The following PCDH11Y variants were observed in gnomAD, a reference collection of about 807,000 sequenced individuals.
PCDH11Y encodes protocadherin-11 Y-linked.
For missense variants in PCDH11Y, 12 were observed against 224.8 expected (o/e 0.05, Z 6.05); for synonymous variants, 9 against 83.6 (o/e 0.11, Z 4.87).
intron 2 of PCDH11Y, among the ~76,000 whole-genome samples, chrY:5,498,495 G>A: frequency 2.9e-5 from 1 of 34,557 alleles, no homozygotes; most frequent in African/African-American, 1.1e-4. Context: ...ATACAGTATT[G>A]ATGATTATTT....
chrY:5,253,521 GACCCA>G lies in PCDH11Y; in HGVS notation c.3129+152815_3129+152819del, dbSNP rs2053006397. 3.5e-4 allele frequency among the ~76,000 whole-genome samples: 11 copies of G among 31,073 alleles called. No individual in the cohort carries two copies. In the South Asian group the frequency reaches 8.6e-3, roughly 24 times the overall value. The allele number at this position is 31,073 out of a possible 37,273, so 83.4% of individuals were successfully genotyped here. On this transcript the variant is annotated intron_variant, in intron 2 of 4. Transcript: ENST00000400457. The stretch of plus-strand genomic sequence containing the variant: ...TGCCAGGTTGGAAGGAAGAATCAAT[GACCCA>G]TCATGAGCAATGTACACACACTCTT...
At chrY:5,719,249 G>C in intron 4 of PCDH11Y, among the ~76,000 whole-genome samples, 1 of 33,788 alleles carries the variant, frequency 3.0e-5, no homozygotes, top group Non-Finnish European at 7.4e-5. Context: ...ATTCAAAGCT[G>C]GCTGGAGAAA....
intron 3 of PCDH11Y, among the ~76,000 whole-genome samples, chrY:5,577,682 C>T: frequency 6.1e-5 from 2 of 32,601 alleles, no homozygotes; most frequent in South Asian, 7.1e-4. Context: ...ATAAGATGCT[C>T]ATTATGTTAA....
At chrY:5,482,284 A>G (rs2053328067) in intron 2 of PCDH11Y, among the ~76,000 whole-genome samples, 1 of 33,525 alleles carries the variant, frequency 3.0e-5, no homozygotes, top group Non-Finnish European at 7.4e-5. Context: ...GGCGTGAGCC[A>G]CTGCACCTAG....
At chrY:5,522,019 G>T in intron 3 of PCDH11Y, among the ~76,000 whole-genome samples, 2 of 31,675 alleles carry the variant, frequency 6.3e-5, no homozygotes. Context: ...GACTACAGGT[G>T]CCTGCCACCA....
chrY:5,107,487 A>C, downstream of PCDH11Y, among the ~76,000 whole-genome samples: 1 of 32,697 alleles, frequency 3.1e-5, no homozygotes, highest in Non-Finnish European at 7.5e-5. Context: ...TATTATCTCT[A>C]TTTGAGAACA....
At chrY:5,715,897 C>A in intron 4 of PCDH11Y, among the ~76,000 whole-genome samples, 2 of 31,014 alleles carry the variant, frequency 6.4e-5, no homozygotes, top group Non-Finnish European at 7.8e-5. Context: ...TTAAACAATA[C>A]ACTAAAAAGA....
In PCDH11Y at chrY:5,322,327, G is replaced by A. The variant is rs201409904; in HGVS notation, c.3130-178730G>A. 1.7e-3 allele frequency among the ~76,000 whole-genome samples: 56 copies of A among 32,138 alleles called. No homozygotes were observed. In the East Asian group the frequency reaches 0.046, roughly 26 times the overall value. 86.2% of individuals were successfully genotyped at this position (32,138 alleles called of 37,273 possible). A position where few individuals can be genotyped will look rare whatever the true frequency, so the allele number is the denominator to read the frequency against. ...TTAAGGGATTGGTTCTAGCACCCCC[G>A]TAATACCAAAATCCTTAGATGCTCA... On this transcript the variant is annotated intron_variant, in intron 2 of 4. Coordinates refer to the PCDH11Y transcript ENST00000400457.
chrY:5,412,674 A>G, intron 2 of PCDH11Y, among the ~76,000 whole-genome samples: 1 of 32,931 alleles, frequency 3.0e-5, no homozygotes, highest in Non-Finnish European at 7.5e-5. Flanking sequence ...CCCCTTCTGT[A>G]TCTTTTGAGA....
chrY:5,546,914 A>G, intron 3 of PCDH11Y, among the ~76,000 whole-genome samples: 1 of 33,037 alleles, frequency 3.0e-5, no homozygotes, highest in Admixed American at 2.8e-4. Flanking sequence ...TTTTACTTGA[A>G]CAGTAATGAT....
At chrY:5,614,549 T>G in intron 4 of PCDH11Y, among the ~76,000 whole-genome samples, 1 of 30,183 alleles carries the variant, frequency 3.3e-5, no homozygotes, top group Non-Finnish European at 7.8e-5. Flanking sequence ...TATGCTATTC[T>G]GTTTGAATGT....
upstream of PCDH11Y, chrY:5,056,033 G>A (rs1329659343): frequency 3.1e-5 from 1 of 32,105 alleles, no homozygotes; most frequent in African/African-American, 1.2e-4. Context: ...CCCATTGAAT[G>A]TTTGGACGTC....
intron 2 of PCDH11Y, among the ~76,000 whole-genome samples, chrY:5,395,038 G>C (rs2053225707): frequency 3.1e-5 from 1 of 32,685 alleles, no homozygotes; most frequent in African/African-American, 1.2e-4. Flanking sequence ...GTCTTGTGCG[G>C]TGTACAAACT....
chrY:5,288,552 C>T (rs2124661596), intron 2 of PCDH11Y, among the ~76,000 whole-genome samples: 1 of 30,220 alleles, frequency 3.3e-5, no homozygotes, highest in South Asian at 7.9e-4. Flanking sequence ...AGCCACAACA[C>T]TCTGATGGGT....
chrY:5,115,771 T>C (rs1602870303), intron 2 of PCDH11Y, among the ~76,000 whole-genome samples: 20 of 20,477 alleles, frequency 9.8e-4, no homozygotes, highest in South Asian at 7.7e-3. Flanking sequence ...GATGGAGTCT[T>C]GCTCTGTCGC....
chrY:5,292,165 T>C, intron 2 of PCDH11Y, among the ~76,000 whole-genome samples: 1 of 32,960 alleles, frequency 3.0e-5, no homozygotes, highest in African/African-American at 1.2e-4. Context: ...TTATTTAAGA[T>C]TTTTGCATCA....
chrY:5,199,176 A>T, intron 2 of PCDH11Y, among the ~76,000 whole-genome samples: 1 of 31,296 alleles, frequency 3.2e-5, no homozygotes. Context: ...GGCAAGGGAG[A>T]TATTTGGAAA....
intron 2 of PCDH11Y, among the ~76,000 whole-genome samples, chrY:5,269,007 C>T: frequency 3.6e-5 from 1 of 28,153 alleles, no homozygotes; most frequent in Middle Eastern, 0.016. Flanking sequence ...TACAAAGGAA[C>T]TCCTGTGTTT....
At chrY:5,129,902 T>A (rs2052831631) in intron 2 of PCDH11Y, among the ~76,000 whole-genome samples, 1 of 33,200 alleles carries the variant, frequency 3.0e-5, no homozygotes, top group Non-Finnish European at 7.4e-5. Flanking sequence ...CTTTATGTGT[T>A]CATGTGCTCT....
Sources: gnomAD v4.1 joint callset for allele counts (sites outside exome capture counted in the v4.1 genomes callset) on GRCh38, gnomAD v4.1.1 for gene constraint, MANE v1.5 for transcripts, NCBI Gene and HGNC (gene_info 2026-07-23, HGNC 2026-07-21) for gene names.